Variants in PACRG observed in about 807,000 individuals in gnomAD.
PACRG encodes parkin coregulated.
PACRG carries 29 observed loss-of-function variants against 29.7 expected under a neutral mutation model. The observed-to-expected ratio is 0.98, with a 90% CI of 0.73 to 1.33. The LOEUF (loss-of-function observed/expected upper bound fraction) is 1.33, where lower values mean the gene tolerates loss of function less well. Among genes scored for constraint, PACRG ranks in the 40% most tolerant of loss-of-function variants. The probability of loss-of-function intolerance (pLI) is 0.00; values close to 1 mark genes in which losing one functional copy is unlikely to be tolerated. For missense variants in PACRG, 279 were observed against 316.2 expected (o/e 0.88, Z 0.89); for synonymous variants, 116 against 118.7 (o/e 0.98, Z 0.15).
chr6:162,811,692 G>A (rs1403746121), intron 1 of PACRG, among the ~76,000 whole-genome samples: 1 of 152,084 alleles, frequency 6.6e-6, no homozygotes, highest in East Asian at 1.9e-4. Context: ...CCAAACCCAG[G>A]AAGTAATCCA....
intron 1 of PACRG, among the ~76,000 whole-genome samples, chr6:162,731,050 G>A (rs1401388508): frequency 6.6e-6 from 1 of 152,130 alleles, no homozygotes; most frequent in African/African-American, 2.4e-5. Flanking sequence ...TTCAGCCTAA[G>A]CTTTCTATTA....
chr6:163,046,535 C>A (rs938309766), intron 2 of PACRG: 1 of 151,962 alleles, frequency 6.6e-6, no homozygotes, highest in Admixed American at 6.6e-5. Context: ...AGCTCCGTTA[C>A]ATTTCCACCA....
intron 2 of PACRG, among the ~76,000 whole-genome samples, chr6:162,908,382 G>A (rs532742993): frequency 6.6e-6 from 1 of 152,298 alleles, no homozygotes. Flanking sequence ...GCCCAACCTA[G>A]CCTAAGCACA....
At chr6:162,914,804 A>G (rs919803471) in intron 2 of PACRG, among the ~76,000 whole-genome samples, 18 of 151,760 alleles carry the variant, frequency 1.2e-4, no homozygotes, top group African/African-American at 4.3e-4. Context: ...TTATAACTTG[A>G]CATTAATGTA....
At chr6:163,282,740 C>T (rs1784262335) in intron 4 of PACRG, among the ~76,000 whole-genome samples, 1 of 151,078 alleles carries the variant, frequency 6.6e-6, no homozygotes, top group Non-Finnish European at 1.5e-5. Flanking sequence ...AAAAGAAATT[C>T]ATCTTAAAGG....
chr6:162,842,612 G>T (rs1409301594), intron 2 of PACRG, among the ~76,000 whole-genome samples: 4 of 122,378 alleles, frequency 3.3e-5, no homozygotes, highest in African/African-American at 1.3e-4. Context: ...AGTTAATATT[G>T]TTATGTGTGA....
chr6:162,985,634 G>A (rs1802823542), intron 2 of PACRG, among the ~76,000 whole-genome samples: 1 of 151,990 alleles, frequency 6.6e-6, no homozygotes, highest in Non-Finnish European at 1.5e-5. Context: ...GCTTCCTCCT[G>A]AGAACTGGAA....
chr6:163,292,230 G>T (rs1400168065), intron 4 of PACRG, among the ~76,000 whole-genome samples: 2 of 152,146 alleles, frequency 1.3e-5, no homozygotes, highest in Non-Finnish European at 2.9e-5. Flanking sequence ...GGGATAGGAT[G>T]GGCTTAAGCC....
At chr6:162,887,421 A>C (rs1014471723) in intron 2 of PACRG, among the ~76,000 whole-genome samples, 1 of 152,192 alleles carries the variant, frequency 6.6e-6, no homozygotes, top group Admixed American at 6.5e-5. Context: ...AATTTTAGTG[A>C]AAAAATTAAT....
At chr6:163,099,623 T>G (rs1393118820) in intron 4 of PACRG, among the ~76,000 whole-genome samples, 2 of 152,208 alleles carry the variant, frequency 1.3e-5, no homozygotes, top group Admixed American at 6.5e-5. Context: ...TATGCAAATC[T>G]TCCATGAGCA....
intron 4 of PACRG, among the ~76,000 whole-genome samples, chr6:163,093,231 A>AG (rs1814277937): frequency 6.6e-6 from 1 of 152,180 alleles, no homozygotes. Context: ...CTTTGAAAAA[A>AG]CCAAACTGCT....
rs143143340 is a variant in PACRG at position 162,829,770 on chromosome 6, T to C, written c.291+15489T>C. On this transcript the variant is annotated intron_variant, in intron 2 of 4. Coordinates refer to ENST00000366888, the MANE Select transcript of PACRG (RefSeq NM_001080379.2). ...GCACCCCTCACATATGAGGGTCTTATGACCGGCTTTAGGAAAACAAGGTGG... is the reference window on the plus strand; with the variant it reads ...GCACCCCTCACATATGAGGGTCTTACGACCGGCTTTAGGAAAACAAGGTGG... 2.2e-3 allele frequency among the ~76,000 whole-genome samples: 328 copies of C among 152,330 alleles called. 2 individuals carry two copies. Among genetic ancestry groups the C allele is most frequent in the African/African-American group, 7.6e-3 (317 of 41,572 alleles).
At chr6:163,222,077 G>A (rs530734267) in intron 4 of PACRG, among the ~76,000 whole-genome samples, 1 of 151,194 alleles carries the variant, frequency 6.6e-6, no homozygotes, top group Admixed American at 6.6e-5. Context: ...AGTTGTTCAG[G>A]TGCGCTGACC....
intron 2 of PACRG, among the ~76,000 whole-genome samples, chr6:163,032,277 G>T (rs1280023728): frequency 1.3e-5 from 2 of 152,182 alleles, no homozygotes; most frequent in Non-Finnish European, 2.9e-5. Context: ...CATTAGTTTA[G>T]TTCATGCAGT....
chr6:162,983,383 T>C (rs889834162), intron 2 of PACRG, among the ~76,000 whole-genome samples: 2 of 151,922 alleles, frequency 1.3e-5, no homozygotes, highest in Admixed American at 6.6e-5. Flanking sequence ...TTTTTTTCCA[T>C]TGTGTTAGTG....
chr6:162,758,374 C>T (rs544720779), intron 1 of PACRG, among the ~76,000 whole-genome samples: 31 of 152,118 alleles, frequency 2.0e-4, no homozygotes, highest in Middle Eastern at 3.4e-3. Context: ...AATGAAAGAA[C>T]GGCTCTTTTT....
chr6:162,952,163 T>C (rs2128133475), intron 2 of PACRG, among the ~76,000 whole-genome samples: 2 of 152,350 alleles, frequency 1.3e-5, no homozygotes, highest in African/African-American at 4.8e-5. Context: ...CCTCCGTTTA[T>C]TGTAAGAAAT....
At chr6:163,271,062 A>G (rs2321509) in intron 4 of PACRG, among the ~76,000 whole-genome samples, 99,587 of 151,892 alleles carry the variant, frequency 0.66, 32,666 homozygotes, top group Middle Eastern at 0.69. Flanking sequence ...TAGGGAAGCC[A>G]ACAGTGCAGC....
intron 4 of PACRG, among the ~76,000 whole-genome samples, chr6:163,156,063 G>A (rs1165613343): frequency 1.3e-5 from 2 of 152,176 alleles, no homozygotes; most frequent in African/African-American, 4.8e-5. Flanking sequence ...GGAAGCCCTC[G>A]CCGCCGTGTG....
Sources: allele counts gnomAD v4.1 joint callset (sites outside exome capture counted in the v4.1 genomes callset), GRCh38; gene constraint gnomAD v4.1.1; transcripts MANE v1.5; gene names NCBI Gene and HGNC (gene_info 2026-07-23, HGNC 2026-07-21).